TESK2: variants seen among roughly 807,000 people sequenced by gnomAD.
TESK2 encodes the protein dual specificity testis-specific protein kinase 2.
In TESK2, 39 loss-of-function variants were observed where a neutral mutation model predicts 57.1. The ratio of observed to expected loss-of-function variants is 0.68; its 90% CI spans 0.53 to 0.89. The LOEUF is 0.89. TESK2 is among the 40% of genes least tolerant of loss of function. TESK2 has a pLI of 0.00. For missense variants in TESK2, 646 were observed against 732.1 expected (o/e 0.88, Z 1.36); for synonymous variants, 249 against 267.9 (o/e 0.93, Z 0.69).
At chr1:45,419,256 G>A (rs537610770) in intron 3 of TESK2, among the ~76,000 whole-genome samples, 204 of 152,232 alleles carry the variant, frequency 1.3e-3, no homozygotes, top group Non-Finnish European at 2.2e-3. Flanking sequence ...GATTACAGGC[G>A]TGAGCCGTCA....
chr1:45,445,409 G>A (rs1368988683), intron 2 of TESK2, among the ~76,000 whole-genome samples: 1 of 151,926 alleles, frequency 6.6e-6, no homozygotes, highest in African/African-American at 2.4e-5. Flanking sequence ...CTGGGAAATG[G>A]GTAAGAAGAA....
chr1:45,429,256 C>T (rs947038735), intron 2 of TESK2, among the ~76,000 whole-genome samples: 2 of 151,954 alleles, frequency 1.3e-5, no homozygotes, highest in Non-Finnish European at 2.9e-5. Flanking sequence ...ATTAGCCAGG[C>T]GTGATGGTGC....
intron 2 of TESK2, among the ~76,000 whole-genome samples, chr1:45,425,171 C>T (rs1020454771): frequency 3.3e-5 from 5 of 152,114 alleles, no homozygotes; most frequent in Admixed American, 2.6e-4. Flanking sequence ...CCTAAGACTA[C>T]ACTAAAAAAA....
At chr1:45,443,921 G>T (rs1418644431) in intron 2 of TESK2, among the ~76,000 whole-genome samples, 34 of 152,096 alleles carry the variant, frequency 2.2e-4, no homozygotes, top group Admixed American at 2.2e-3. Context: ...GCTCATGCCC[G>T]TAATCTCAAT....
chr1:45,475,230 T>TTTTTTTTTG (rs1652938113), intron 1 of TESK2, among the ~76,000 whole-genome samples: 1 of 144,360 alleles, frequency 6.9e-6, no homozygotes, highest in South Asian at 2.2e-4. Flanking sequence ...TTTTTTTTTT[T>TTTTTTTTTG]GAGTCTCGTT....
chr1:45,460,578 A>T (rs1053789576), intron 1 of TESK2, among the ~76,000 whole-genome samples: 1 of 152,092 alleles, frequency 6.6e-6, no homozygotes, highest in Admixed American at 6.6e-5. Flanking sequence ...GCAGGGGCTC[A>T]TTCCTTTAAT....
intron 3 of TESK2, among the ~76,000 whole-genome samples, chr1:45,411,480 G>A (rs1369688664): frequency 2.0e-5 from 3 of 152,080 alleles, no homozygotes; most frequent in East Asian, 1.9e-4. Flanking sequence ...TAATGCCACC[G>A]CTGATCTGAC....
intron 1 of TESK2, among the ~76,000 whole-genome samples, chr1:45,475,586 T>C (rs1169131736): frequency 6.6e-6 from 1 of 152,182 alleles, no homozygotes; most frequent in Non-Finnish European, 1.5e-5. Flanking sequence ...AATATTAAAG[T>C]ATAAATTGTT....
intron 3 of TESK2, among the ~76,000 whole-genome samples, chr1:45,399,999 C>T (rs746649997): frequency 5.9e-5 from 9 of 152,034 alleles, no homozygotes; most frequent in African/African-American, 9.7e-5. Flanking sequence ...GACTAATGGC[C>T]CCCCAGAGAT....
intron 6 of TESK2, 37 bp from the exon 7 acceptor site, chr1:45,347,730 A>G (rs980108579): frequency 3.1e-6 from 5 of 1,603,408 alleles, no homozygotes; most frequent in Admixed American, 3.3e-5. Context: ...GAGCTTGCCA[A>G]TGGCTGGTGC....
chr1:45,431,521 C>A (rs1650964908), intron 2 of TESK2, among the ~76,000 whole-genome samples: 1 of 152,044 alleles, frequency 6.6e-6, no homozygotes, highest in Non-Finnish European at 1.5e-5. Context: ...CTTATTATAG[C>A]CTGGAACAAA....
chr1:45,468,789 G>A (rs1652653866), intron 1 of TESK2, among the ~76,000 whole-genome samples: 1 of 152,116 alleles, frequency 6.6e-6, no homozygotes, highest in Non-Finnish European at 1.5e-5. Flanking sequence ...GTATTTTAGT[G>A]GGCAGGTGCT....
At chr1:45,441,761 T>C (rs1240121838) in intron 2 of TESK2, among the ~76,000 whole-genome samples, 4 of 151,138 alleles carry the variant, frequency 2.6e-5, no homozygotes, top group Admixed American at 1.3e-4. Context: ...AGATTACAGG[T>C]ACGTGCCACC....
intron 3 of TESK2, among the ~76,000 whole-genome samples, chr1:45,401,975 G>A (rs781589761): frequency 2.6e-5 from 4 of 151,526 alleles, no homozygotes; most frequent in African/African-American, 4.9e-5. Context: ...ACAATTAAGA[G>A]GCCTAAATAA....
Position 45,413,156 on chromosome 1 carries a change from C to T in TESK2, c.344+8569G>A, listed in dbSNP as rs529146504. ...CACAAGAGACCTAAACAATCAGTCC[C>T]TGCATTCAACAAAGTACTTTATTGT... On this transcript the variant is annotated intron_variant, in intron 3 of 10. Transcript: ENST00000372086. Among the ~76,000 whole-genome samples, 17 of 152,296 alleles carry T rather than the reference C, an allele frequency of 1.1e-4. No individual in the cohort carries two copies. The South Asian group carries it at 3.5e-3, about 32-fold the overall frequency.
chr1:45,345,621 C>T (rs1448841655), intron 10 of TESK2, 63 bp from the exon 11 acceptor site: 1 of 1,446,542 alleles, frequency 6.9e-7, no homozygotes, highest in East Asian at 2.3e-5. Flanking sequence ...AGCATTTTAC[C>T]ACAGAATGTT....
intron 2 of TESK2, among the ~76,000 whole-genome samples, chr1:45,428,193 C>T (rs1260162719): frequency 1.3e-5 from 2 of 152,152 alleles, no homozygotes; most frequent in African/African-American, 4.8e-5. Context: ...TGAAGATAAT[C>T]CTGTGAGACA....
chr1:45,411,358 G>A lies in TESK2; in HGVS notation c.344+10367C>T, dbSNP rs151014105. 1.4e-3 allele frequency among the ~76,000 whole-genome samples: 217 copies of A among 152,172 alleles called. 2 individuals carry two copies. The highest frequency in any genetic ancestry group is 5.0e-3 in the African/African-American group (208 of 41,542). On this transcript the variant is annotated intron_variant, in intron 3 of 10. Transcript: ENST00000372086. ...AGGGTCAGGTGGAGGGATGGTTTTG[G>A]GATGAAACTGTTCCACCTGAGATCA... is the stretch of plus-strand genomic sequence containing the variant.
rs559753619 is a variant in TESK2, at chr1:45,445,869, G to GTT, written c.222+11693_222+11694dup. The stretch of plus-strand genomic sequence containing the variant: ...AGGACTTATGATCTACACTCTAAGA[G>GTT]TTGCAACTAATCTGAAAAGTATATA... On this transcript the variant is annotated intron_variant, in intron 2 of 10. Transcript: ENST00000372086. Among the ~76,000 whole-genome samples the GTT allele has an allele frequency of 5.5e-4, 84 of 152,210 alleles. No individual in the cohort carries two copies. The East Asian group carries it at 0.013, about 23-fold the overall frequency.
Sources: gnomAD v4.1 joint callset for allele counts (sites outside exome capture counted in the v4.1 genomes callset) on GRCh38, gnomAD v4.1.1 for gene constraint, MANE v1.5 for transcripts, NCBI Gene and HGNC (gene_info 2026-07-23, HGNC 2026-07-21) for gene names.